MOGAT1: variants seen among roughly 807,000 people sequenced by gnomAD.
MOGAT1 encodes the protein monoacylglycerol O-acyltransferase 1.
Under a neutral mutation model 31.4 loss-of-function variants are expected in MOGAT1, and 32 were observed. The observed-to-expected ratio is 1.02, with a 90% CI of 0.77 to 1.37. The LOEUF (loss-of-function observed/expected upper bound fraction) is 1.37, where lower values mean the gene tolerates loss of function less well. MOGAT1 is among the 40% of genes most tolerant of loss of function. The pLI, the probability that MOGAT1 is intolerant of heterozygous loss-of-function variation, is 0.00. For missense variants in MOGAT1, 426 were observed against 402.0 expected (o/e 1.06, Z -0.51); for synonymous variants, 145 against 144.5 (o/e 1.00, Z -0.03).
Position 222,709,911 on chromosome 2 carries a change from A to T in MOGAT1, c.*21A>T, listed in dbSNP as rs1176567777. 4 of 1,519,978 alleles carry T rather than the reference A, an allele frequency of 2.6e-6. No individual in the cohort carries two copies. Among genetic ancestry groups the T allele is most frequent in the East Asian group, 2.4e-5 (1 of 40,908 alleles). The allele number at this position is 1,519,978 out of a possible 1,614,324, so 94.2% of individuals were successfully genotyped here. A position where few individuals can be genotyped will look rare whatever the true frequency, so the allele number is the denominator to read the frequency against. On this transcript the variant is annotated 3_prime_UTR_variant, in exon 6 of 6. Coordinates refer to ENST00000446656, the MANE Select transcript of MOGAT1 (RefSeq NM_058165.3). ...AATGACTTGACTATAAAAAAAAATT[A>T]AAAAATAAAAATAAATGACTTGGCT...
intron 5 of MOGAT1, among the ~76,000 whole-genome samples, chr2:222,697,074 C>T (rs1692847388): frequency 6.6e-6 from 1 of 152,042 alleles, no homozygotes; most frequent in Non-Finnish European, 1.5e-5. Context: ...AACCCAGGAG[C>T]AAAGTATTTA....
chr2:222,697,854 C>T (rs976174634), intron 5 of MOGAT1, among the ~76,000 whole-genome samples: 1 of 151,722 alleles, frequency 6.6e-6, no homozygotes, highest in Admixed American at 6.6e-5. Context: ...GGATTACAGG[C>T]GTGAGCCACC....
intron 5 of MOGAT1, among the ~76,000 whole-genome samples, chr2:222,706,471 TAAAAAAA>T (rs11455554): frequency 1.4e-4 from 20 of 139,860 alleles, no homozygotes; most frequent in Non-Finnish European, 2.6e-4. Flanking sequence ...AAACTCTGTA[TAAAAAAA>T]AAAAAAAAAT....
intron 5 of MOGAT1, among the ~76,000 whole-genome samples, chr2:222,701,596 A>AAAGAGAAAGAAAGGGAGGG (rs763465755): frequency 7.2e-6 from 1 of 138,978 alleles, no homozygotes; most frequent in South Asian, 2.3e-4. Flanking sequence ...GAAAGAAAGA[A>AAAGAGAAAGAAAGGGAGGG]AGGGAGGGAG....
chr2:222,694,987 T>C (rs1692819130), intron 4 of MOGAT1, 102 bp from the exon 5 acceptor site: 2 of 850,730 alleles, frequency 2.4e-6, no homozygotes, highest in South Asian at 2.3e-5. Flanking sequence ...TTGGGCACAT[T>C]TAAAAAATTT....
intron 5 of MOGAT1, chr2:222,699,520 G>A (rs145965619): frequency 0.058 from 6,563 of 112,254 alleles, 213 homozygotes; most frequent in African/African-American, 0.11. Context: ...TTTTTGAGAC[G>A]GAGTCTCACT....
chr2:222,682,885 A>C (rs986898801), intron 1 of MOGAT1, among the ~76,000 whole-genome samples: 4 of 152,212 alleles, frequency 2.6e-5, no homozygotes, highest in Admixed American at 2.6e-4. Flanking sequence ...CATTCATATG[A>C]ATATCAAGAG....
intron 1 of MOGAT1, among the ~76,000 whole-genome samples, chr2:222,683,266 G>A (rs1692610416): frequency 6.6e-6 from 1 of 151,986 alleles, no homozygotes; most frequent in African/African-American, 2.4e-5. Context: ...GCTGAGGGAG[G>A]AATGGGGAGT....
chr2:222,703,146 T>C (rs1692950898), intron 5 of MOGAT1, among the ~76,000 whole-genome samples: 1 of 152,146 alleles, frequency 6.6e-6, no homozygotes, highest in Middle Eastern at 3.2e-3. Flanking sequence ...GCTGAGTTTA[T>C]ATATGAGGTT....
In MOGAT1 at chr2:222,709,784, A is replaced by G. The variant is rs1376024800; in HGVS notation, c.902A>G (p.Gln301Arg). 1 of 1,613,650 alleles carries G rather than the reference A, an allele frequency of 6.2e-7. No homozygotes were observed. Among genetic ancestry groups the G allele is most frequent in the Admixed American group, 1.7e-5 (1 of 60,010 alleles). The change falls in exon 6 of 6, where the codon CAG (glutamine) becomes CGG (arginine). Residue 301 changes from glutamine (Q) to arginine (R), a missense_variant. Coordinates refer to ENST00000446656, the MANE Select transcript of MOGAT1 (RefSeq NM_058165.3). ...VRQTLNPTQE[Q>R]IEELHQTYME... ...CAGACTCTGAACCCGACCCAGGAGCAGATTGAGGAGTTACATCAGACCTAT... is the reference window on the plus strand; with the variant it reads ...CAGACTCTGAACCCGACCCAGGAGCGGATTGAGGAGTTACATCAGACCTAT...
intron 5 of MOGAT1, among the ~76,000 whole-genome samples, chr2:222,706,403 G>A (rs183539344): frequency 5.9e-4 from 90 of 151,678 alleles, no homozygotes; most frequent in African/African-American, 2.1e-3. Flanking sequence ...AACCTGGGGG[G>A]CAGAGGTTGC....
At chr2:222,708,339 C>G (rs2106047568) in intron 5 of MOGAT1, among the ~76,000 whole-genome samples, 1 of 152,298 alleles carries the variant, frequency 6.6e-6, no homozygotes, top group Non-Finnish European at 1.5e-5. Flanking sequence ...CCGCCTCAGC[C>G]TCCCAAAGTG....
chr2:222,676,489 G>T (rs1692499748), intron 1 of MOGAT1, among the ~76,000 whole-genome samples: 1 of 152,082 alleles, frequency 6.6e-6, no homozygotes, highest in Non-Finnish European at 1.5e-5. Context: ...ATTGCAAATT[G>T]TCCAGCCATC....
rs768678240 is a variant in MOGAT1 at position 222,705,573 on chromosome 2, T to A, written c.854-4163T>A. On this transcript the variant is annotated intron_variant, in intron 5 of 5. Transcript: ENST00000446656. ...CTCAATGTCCTCATTTCTCTGTCTT[T>A]TGGCTGGAGCCCATTCCTTGAAGTT... Among the ~76,000 whole-genome samples, 4 of 152,236 alleles carry A rather than the reference T, an allele frequency of 2.6e-5. No individual in the cohort carries two copies. In the South Asian group the frequency reaches 8.3e-4, roughly 32 times the overall value.
chr2:222,676,958 G>C (rs1484236385), intron 1 of MOGAT1, among the ~76,000 whole-genome samples: 2 of 152,122 alleles, frequency 1.3e-5, no homozygotes, highest in African/African-American at 2.4e-5. Context: ...AAAAAACAAA[G>C]TCAGAAGCCA....
intron 1 of MOGAT1, among the ~76,000 whole-genome samples, chr2:222,688,133 C>A (rs1019261063): frequency 6.6e-6 from 1 of 152,156 alleles, no homozygotes; most frequent in African/African-American, 2.4e-5. Flanking sequence ...AATAAAAATA[C>A]CTTGGCAGGG....
chr2:222,673,254 T>C (rs963254703), intron 1 of MOGAT1, among the ~76,000 whole-genome samples: 1 of 149,884 alleles, frequency 6.7e-6, no homozygotes, highest in African/African-American at 2.5e-5. Flanking sequence ...GAATGAAGTC[T>C]GTACACCTTT....
chr2:222,673,193 G>A (rs1055293661), intron 1 of MOGAT1, among the ~76,000 whole-genome samples: 5 of 151,366 alleles, frequency 3.3e-5, no homozygotes, highest in East Asian at 1.9e-4. Flanking sequence ...GATTACAGGC[G>A]TGAGCCACCG....
chr2:222,701,043 T>C (rs181543716), intron 5 of MOGAT1, among the ~76,000 whole-genome samples: 28 of 152,320 alleles, frequency 1.8e-4, no homozygotes, highest in African/African-American at 6.5e-4. Context: ...TCCCAAATCA[T>C]CACCTTAGCT....
Sources: gnomAD v4.1 joint callset for allele counts (sites outside exome capture counted in the v4.1 genomes callset) on GRCh38, gnomAD v4.1.1 for gene constraint, MANE v1.5 for transcripts, NCBI Gene and HGNC (gene_info 2026-07-23, HGNC 2026-07-21) for gene names.